Variants in CTNNA2 observed in about 807,000 individuals in gnomAD.
CTNNA2 encodes catenin alpha-2.
A neutral mutation model predicts 101.0 loss-of-function variants in CTNNA2; 42 were observed. The observed-to-expected ratio is 0.42, with a 90% CI of 0.32 to 0.54. The LOEUF (loss-of-function observed/expected upper bound fraction) is 0.54, where lower values mean the gene tolerates loss of function less well. CTNNA2 is among the 20% of genes least tolerant of loss of function. CTNNA2 has a pLI of 0.14. For synonymous variants in CTNNA2, 450 were observed against 456.4 expected, an observed-to-expected ratio of 0.99 and a Z score of 0.18; for missense variants, 871 against 1,223.1, an observed-to-expected ratio of 0.71 and a Z score of 4.29.
At chr2:80,137,247 A>G (rs963750453) in intron 7 of CTNNA2, among the ~76,000 whole-genome samples, 1 of 152,140 alleles carries the variant, frequency 6.6e-6, no homozygotes, top group Admixed American at 6.5e-5. Flanking sequence ...ATTTCACTCT[A>G]CACTGAGCCT....
chr2:80,022,546 G>A (rs1279020915), intron 7 of CTNNA2, among the ~76,000 whole-genome samples: 1 of 152,072 alleles, frequency 6.6e-6, no homozygotes, highest in Non-Finnish European at 1.5e-5. Context: ...CAGGAGGATT[G>A]CTGGGGGCAG....
chr2:80,443,367 TTTCTC>T, intron 9 of CTNNA2, among the ~76,000 whole-genome samples: 1 of 152,362 alleles, frequency 6.6e-6, no homozygotes, highest in East Asian at 1.9e-4. Flanking sequence ...ATTTATTTCT[TTTCTC>T]TTATCAGTCA....
intron 13 of CTNNA2, chr2:80,579,040 G>A (rs1431585769): frequency 6.6e-6 from 1 of 152,026 alleles, no homozygotes; most frequent in Non-Finnish European, 1.5e-5. Context: ...AGTGCATATA[G>A]CAATTATAAT....
At chr2:79,436,775 G>A (rs898719456) in intron 4 of CTNNA2, among the ~76,000 whole-genome samples, 2 of 151,990 alleles carry the variant, frequency 1.3e-5, no homozygotes, top group African/African-American at 4.8e-5. Flanking sequence ...GGGACTACAG[G>A]CACCCGCCAC....
chr2:80,157,096 T>C (rs1704033763), intron 7 of CTNNA2, among the ~76,000 whole-genome samples: 1 of 152,168 alleles, frequency 6.6e-6, no homozygotes, highest in Non-Finnish European at 1.5e-5. Flanking sequence ...AGGAATAGAA[T>C]GTAAACATTC....
intron 1 of CTNNA2, among the ~76,000 whole-genome samples, chr2:79,569,271 G>GA (rs1490181063): frequency 1.3e-5 from 2 of 152,096 alleles, no homozygotes; most frequent in Non-Finnish European, 2.9e-5. Context: ...TTCTCTCAGG[G>GA]AGAGGTTAAG....
At chr2:80,522,403 A>T (rs1046240370) in intron 9 of CTNNA2, among the ~76,000 whole-genome samples, 1 of 152,202 alleles carries the variant, frequency 6.6e-6, no homozygotes, top group African/African-American at 2.4e-5. Context: ...AATAGATTGC[A>T]TTTAATTTCA....
chr2:80,522,459 A>G (rs1689653180), intron 9 of CTNNA2, among the ~76,000 whole-genome samples: 2 of 152,188 alleles, frequency 1.3e-5, no homozygotes. Context: ...TGACCGTTGC[A>G]TTGAAGGGGT....
At chr2:79,335,930 G>A (rs1676984168) in intron 3 of CTNNA2, among the ~76,000 whole-genome samples, 1 of 152,138 alleles carries the variant, frequency 6.6e-6, no homozygotes, top group Non-Finnish European at 1.5e-5. Context: ...TTGAGAGACA[G>A]GAAGTCAAAA....
chr2:80,163,193 T>C (rs1704442603), intron 7 of CTNNA2: 1 of 1,285,558 alleles, frequency 7.8e-7, no homozygotes, highest in African/African-American at 1.5e-5. Context: ...CACTTTCATT[T>C]CAAGGTTGCC....
At chr2:80,246,637 CA>C (rs1671351107) in intron 7 of CTNNA2, among the ~76,000 whole-genome samples, 2 of 152,194 alleles carry the variant, frequency 1.3e-5, no homozygotes, top group South Asian at 4.1e-4. Flanking sequence ...CATAATACCA[CA>C]AACAGGACAT....
intron 3 of CTNNA2, among the ~76,000 whole-genome samples, chr2:79,841,070 A>G (rs1679774731): frequency 6.6e-6 from 1 of 152,114 alleles, no homozygotes; most frequent in Non-Finnish European, 1.5e-5. Context: ...CGCCCTGCCG[A>G]GACTCCCTCT....
chr2:79,992,836 G>A (rs964750054), intron 7 of CTNNA2, among the ~76,000 whole-genome samples: 2 of 152,144 alleles, frequency 1.3e-5, no homozygotes, highest in Non-Finnish European at 2.9e-5. Context: ...TTGAATTCTT[G>A]AAGATGTGCT....
At chr2:79,224,661 T>C (rs1200944955) in intron 2 of CTNNA2, among the ~76,000 whole-genome samples, 1 of 152,036 alleles carries the variant, frequency 6.6e-6, no homozygotes, top group African/African-American at 2.4e-5. Flanking sequence ...CACAAACATA[T>C]ACACCTGTGC....
rs145584853 is a variant in CTNNA2 at position 79,814,638 on chromosome 2, C to CACACACACATAT, written c.299-43374_299-43373insCACACACATATA. Among the ~76,000 whole-genome samples the CACACACACATAT allele has an allele frequency of 5.3e-3, 777 of 147,022 alleles. 4 individuals carry two copies. The highest frequency in any genetic ancestry group is 0.018 in the African/African-American group (723 of 39,222). On this transcript the variant is annotated intron_variant, in intron 3 of 18. Transcript: ENST00000402739. ...ACACACACACACACACACACACACA[C>CACACACACATAT]ATATATATATATATCACAGTTTCTT...
At chr2:80,219,633 C>T (rs1377846334) in intron 7 of CTNNA2, among the ~76,000 whole-genome samples, 1 of 152,112 alleles carries the variant, frequency 6.6e-6, no homozygotes, top group African/African-American at 2.4e-5. Flanking sequence ...AGTTGATGTA[C>T]ATAGTTCTTT....
chr2:80,111,511 C>A (rs1004779912), intron 7 of CTNNA2, among the ~76,000 whole-genome samples: 4 of 152,164 alleles, frequency 2.6e-5, no homozygotes, highest in Non-Finnish European at 4.4e-5. Context: ...CTTCCCTTTA[C>A]CTATGAAGGG....
chr2:80,068,769 G>C (rs952275015), intron 7 of CTNNA2, among the ~76,000 whole-genome samples: 1 of 152,178 alleles, frequency 6.6e-6, no homozygotes, highest in Non-Finnish European at 1.5e-5. Context: ...TCAGGAACCT[G>C]ATAGTTATTT....
intron 4 of CTNNA2, among the ~76,000 whole-genome samples, chr2:79,496,291 T>C (rs1210059655): frequency 6.6e-6 from 1 of 152,194 alleles, no homozygotes; most frequent in African/African-American, 2.4e-5. Context: ...ATTCTAACTT[T>C]TTAAATTAGT....
Sources: gnomAD v4.1 joint callset for allele counts (sites outside exome capture counted in the v4.1 genomes callset) on GRCh38, gnomAD v4.1.1 for gene constraint, MANE v1.5 for transcripts, NCBI Gene and HGNC (gene_info 2026-07-23, HGNC 2026-07-21) for gene names.